The following CTPS2 variants were observed in gnomAD, a reference collection of about 807,000 sequenced individuals.
CTPS2 encodes the protein CTP synthase 2.
CTPS2 carries 19 observed loss-of-function variants against 46.8 expected under a neutral mutation model. The observed-to-expected ratio is 0.41, with a 90% CI of 0.28 to 0.60. The LOEUF is 0.60. CTPS2 is among the 20% of genes least tolerant of loss of function. The pLI is 0.35. For missense variants in CTPS2, 286 were observed against 447.6 expected, an observed-to-expected ratio of 0.64 and a Z score of 3.26; for synonymous variants, 151 against 165.2, an observed-to-expected ratio of 0.91 and a Z score of 0.66.
intron 9 of CTPS2, 74 bp from the exon 10 acceptor site, chrX:16,678,524 C>T (rs189342969): frequency 5.6e-5 from 33 of 584,575 alleles, no homozygotes; most frequent in Non-Finnish European, 2.0e-5. Context: ...CCATCTAATA[C>T]TATGACACAT....
At chrX:16,606,767 CT>C (rs773707183) in intron 17 of CTPS2, among the ~76,000 whole-genome samples, 152 of 103,488 alleles carry the variant, frequency 1.5e-3, no homozygotes, top group Middle Eastern at 5.0e-3. Context: ...ACTAGGAAGC[CT>C]TTTTTTTTTT....
rs1930572653 is a variant in CTPS2 at position 16,617,138 on chromosome X, G to C, written c.1546+12C>G. 2 of 1,181,377 alleles carry C rather than the reference G, an allele frequency of 1.7e-6. No individual in the cohort carries two copies. Among genetic ancestry groups the C allele is most frequent in the East Asian group, 6.0e-5 (2 of 33,572 alleles). ...TTATTGGAAGGTTTTCAAAAATGAA[G>C]AGCCCACTTACTTGCCAGTTCAATG... On this transcript the variant is annotated intron_variant, in intron 16 of 18. Transcript: ENST00000359276.
At chrX:16,644,386 C>G (rs1403276136) in intron 13 of CTPS2, among the ~76,000 whole-genome samples, 2 of 111,586 alleles carry the variant, frequency 1.8e-5, no homozygotes, top group Non-Finnish European at 3.8e-5. Context: ...GATCCTCCAG[C>G]CTTGGCCTCC....
At chrX:16,706,609 C>G (rs1161983476) in intron 1 of CTPS2, among the ~76,000 whole-genome samples, 2 of 111,176 alleles carry the variant, frequency 1.8e-5, no homozygotes, top group African/African-American at 6.5e-5. Flanking sequence ...ACCTGTAATC[C>G]CAGCACTTTG....
chrX:16,710,845 T>C (rs1383817690), intron 1 of CTPS2, among the ~76,000 whole-genome samples: 1 of 112,159 alleles, frequency 8.9e-6, no homozygotes, highest in Non-Finnish European at 1.9e-5. Context: ...TCTTGATCTC[T>C]TGACCTCGTG....
chrX:16,674,650 A>T (rs1640487668), intron 10 of CTPS2, among the ~76,000 whole-genome samples: 1 of 104,465 alleles, frequency 9.6e-6, no homozygotes. Flanking sequence ...CATCCTGGCT[A>T]ACACGGTGAA....
chrX:16,698,465 A>G, intron 3 of CTPS2, 129 bp from the exon 4 acceptor site: 2 of 468,906 alleles, frequency 4.3e-6, no homozygotes, highest in East Asian at 6.9e-5. Flanking sequence ...AATGAAAAGA[A>G]AAAAACGCAA....
chrX:16,656,810 G>A (rs1463486589), intron 13 of CTPS2, among the ~76,000 whole-genome samples: 1 of 112,150 alleles, frequency 8.9e-6, no homozygotes, highest in African/African-American at 3.2e-5. Flanking sequence ...CTACCTTCAA[G>A]CTGAAAATAA....
chrX:16,696,031 G>C (rs1924103604), intron 4 of CTPS2, among the ~76,000 whole-genome samples: 1 of 111,630 alleles, frequency 9.0e-6, no homozygotes, highest in South Asian at 3.7e-4. Context: ...TTCTTTTTTG[G>C]AAAATAAACA....
intron 13 of CTPS2, among the ~76,000 whole-genome samples, chrX:16,652,048 A>C (rs1333661152): frequency 9.0e-6 from 1 of 111,147 alleles, no homozygotes; most frequent in Non-Finnish European, 1.9e-5. Context: ...AAAATTACCA[A>C]GGAAATATCC....
intron 17 of CTPS2, among the ~76,000 whole-genome samples, chrX:16,592,302 T>A (rs1280538658): frequency 8.9e-6 from 1 of 112,341 alleles, no homozygotes; most frequent in East Asian, 2.8e-4. Flanking sequence ...TTTTTTGTTA[T>A]CAGGGCCTTG....
chrX:16,625,387 C>T (rs1931076571), intron 14 of CTPS2, among the ~76,000 whole-genome samples: 1 of 112,126 alleles, frequency 8.9e-6, no homozygotes, highest in Non-Finnish European at 1.9e-5. Flanking sequence ...AGGTATGGCT[C>T]ATCTGTTCAG....
At chrX:16,679,814 C>T (rs906279737) in intron 9 of CTPS2, among the ~76,000 whole-genome samples, 4 of 111,421 alleles carry the variant, frequency 3.6e-5, no homozygotes, top group Non-Finnish European at 5.7e-5. Context: ...CTCACCAGAA[C>T]CCGGCCACAT....
At chrX:16,598,817 C>G (rs754783212) in intron 17 of CTPS2, among the ~76,000 whole-genome samples, 1 of 111,631 alleles carries the variant, frequency 9.0e-6, no homozygotes, top group South Asian at 3.8e-4. Context: ...CAGTAAAATA[C>G]TAGCAAACCG....
At chrX:16,705,368 T>C (rs1924912299) in intron 1 of CTPS2, among the ~76,000 whole-genome samples, 2 of 112,445 alleles carry the variant, frequency 1.8e-5, no homozygotes, top group Admixed American at 1.9e-4. Flanking sequence ...AACTTTCTCC[T>C]GATAAGACCA....
In CTPS2 at chrX:16,644,525, G is replaced by A. The variant is rs1003889772; in HGVS notation, c.1297-5282C>T. ...CAAAGGCTCTTAAAACAGGAAGGCA[G>A]GAGGGTCAGGGTCAGAAAAGGGGAT... On this transcript the variant is annotated intron_variant, in intron 13 of 18. Transcript: ENST00000359276. 2.7e-5 allele frequency among the ~76,000 whole-genome samples: 3 copies of A among 111,570 alleles called. No individual in the cohort carries two copies. The Admixed American group carries it at 2.9e-4, about 11-fold the overall frequency.
chrX:16,595,133 G>C (rs1328528853), intron 17 of CTPS2, among the ~76,000 whole-genome samples: 3 of 107,366 alleles, frequency 2.8e-5, no homozygotes, highest in Non-Finnish European at 5.8e-5. Flanking sequence ...CTCTATCTTA[G>C]GACTAACCTA....
chrX:16,631,347 CA>C lies in CTPS2; in HGVS notation c.1393+7799del, dbSNP rs779974024. Among the ~76,000 whole-genome samples the C allele has an allele frequency of 4.9e-3, 442 of 90,659 alleles. 2 individuals carry two copies. The highest frequency in any genetic ancestry group is 0.012 in the African/African-American group (307 of 24,775). 78.7% of individuals were successfully genotyped at this position (90,659 alleles called of 115,157 possible). On this transcript the variant is annotated intron_variant, in intron 14 of 18. Transcript: ENST00000359276. ...TGGGCGACAGAGCAAGACTCTGTCT[CA>C]AAAAAAAAAAAAAATTAGAAATTAG...
In CTPS2 at chrX:16,639,022, G is replaced by A. The variant is rs763131005; in HGVS notation, c.1393+125C>T. The A allele has an allele frequency of 1.1e-5, 6 of 563,862 alleles. No individual in the cohort carries two copies. The East Asian group carries it at 1.7e-4, about 16-fold the overall frequency. 46.5% of individuals were successfully genotyped at this position (563,862 alleles called of 1,213,427 possible). A position where few individuals can be genotyped will look rare whatever the true frequency, so the allele number is the denominator to read the frequency against. ...AGGGCAGGGGAGATGGGAAGAGAGA[G>A]AATCAGGGCCCTCCGAGGATGCTGG... On this transcript the variant is annotated intron_variant, in intron 14 of 18. Transcript: ENST00000359276.
Sources: allele counts gnomAD v4.1 joint callset (sites outside exome capture counted in the v4.1 genomes callset), GRCh38; gene constraint gnomAD v4.1.1; transcripts MANE v1.5; gene names NCBI Gene and HGNC (gene_info 2026-07-23, HGNC 2026-07-21).